JMJD1C: variants seen among roughly 807,000 people sequenced by gnomAD.
JMJD1C encodes the protein jumonji domain containing 1C, also known as jumonji domain-containing protein 1C.
JMJD1C carries 31 observed loss-of-function variants against 245.3 expected under a neutral mutation model. The ratio of observed to expected loss-of-function variants is 0.13; its 90% CI spans 0.09 to 0.17. JMJD1C has a LOEUF of 0.17. Among genes scored for constraint, JMJD1C ranks in the 10% least tolerant of loss-of-function variants. The pLI is 1.00. For missense variants in JMJD1C, 2,691 were observed against 3,000.2 expected, an observed-to-expected ratio of 0.90 and a Z score of 2.41; for synonymous variants, 1,057 against 1,017.4, an observed-to-expected ratio of 1.04 and a Z score of -0.74.
At chr10:63,312,810 A>C (rs1589449266) in intron 2 of JMJD1C, among the ~76,000 whole-genome samples, 1 of 152,194 alleles carries the variant, frequency 6.6e-6, no homozygotes, top group South Asian at 2.1e-4. Context: ...TACCTAATAT[A>C]ATTATAAATG....
intron 2 of JMJD1C, among the ~76,000 whole-genome samples, chr10:63,326,556 AGACAT>A (rs1419966827): frequency 9.2e-5 from 14 of 151,976 alleles, no homozygotes; most frequent in African/African-American, 3.1e-4. Flanking sequence ...AGAGGTGGAC[AGACAT>A]TGGACACTGA....
intron 3 of JMJD1C, among the ~76,000 whole-genome samples, chr10:63,264,104 A>G (rs975399023): frequency 6.6e-6 from 1 of 152,028 alleles, no homozygotes; most frequent in Non-Finnish European, 1.5e-5. Flanking sequence ...GTTTCTTCAC[A>G]TAATTAAAAG....
upstream of JMJD1C, among the ~76,000 whole-genome samples, chr10:63,467,160 A>C (rs915170647): frequency 2.3e-4 from 35 of 152,200 alleles, no homozygotes; most frequent in African/African-American, 7.0e-4. Flanking sequence ...CAAAATTATA[A>C]GGAAGATGGA....
chr10:63,319,919 A>G (rs1209546559), intron 2 of JMJD1C, among the ~76,000 whole-genome samples: 1 of 152,112 alleles, frequency 6.6e-6, no homozygotes, highest in East Asian at 1.9e-4. Flanking sequence ...ACATGCCACC[A>G]CACCCAGCTA....
At chr10:63,351,235 C>T (rs1397994602) in intron 2 of JMJD1C, among the ~76,000 whole-genome samples, 6 of 151,668 alleles carry the variant, frequency 4.0e-5, no homozygotes, top group Admixed American at 6.6e-5. Flanking sequence ...CCTGCCACCA[C>T]GCCCAGCTAA....
chr10:63,205,982 C>A (rs1395125900), intron 10 of JMJD1C, among the ~76,000 whole-genome samples: 5 of 152,088 alleles, frequency 3.3e-5, no homozygotes, highest in Non-Finnish European at 7.4e-5. Flanking sequence ...AGCCACTGTG[C>A]CCAGCTGTGC....
chr10:63,293,025 G>A (rs189015770), intron 2 of JMJD1C, among the ~76,000 whole-genome samples: 2 of 152,136 alleles, frequency 1.3e-5, no homozygotes, highest in Admixed American at 6.6e-5. Context: ...GCCTAGGCGA[G>A]AGTGAGACTT....
intron 2 of JMJD1C, among the ~76,000 whole-genome samples, chr10:63,345,053 G>A (rs901862956): frequency 6.6e-6 from 1 of 152,110 alleles, no homozygotes; most frequent in Non-Finnish European, 1.5e-5. Flanking sequence ...AAATAAAAAT[G>A]TATGTTCACA....
intron 2 of JMJD1C, among the ~76,000 whole-genome samples, chr10:63,329,723 A>G (rs150219050): frequency 6.7e-4 from 102 of 152,302 alleles, no homozygotes; most frequent in African/African-American, 2.0e-3. Context: ...GAATTCTAAT[A>G]TTTTCCCAAG....
rs755942231 is a variant in JMJD1C at position 63,186,321 on chromosome 10, A to C, written c.6633T>G (p.Ile2211Met). The change falls in exon 19 of 26, where the codon ATT becomes ATG. Residue 2211 changes from isoleucine to methionine, a missense_variant. Ile to Met is a conservative substitution (Grantham distance 10). This residue lies in a region of JMJD1C where 232 missense variants were observed against 416.1 expected (regional missense o/e 0.56). Transcript: ENST00000399262. ...CTTGGTGGTCTCCAAAATCAAGACTAATTGATTCCGCCTTCCATAGGCTAA... is the reference window on the plus strand; with the variant it reads ...CTTGGTGGTCTCCAAAATCAAGACTCATTGATTCCGCCTTCCATAGGCTAA... ...MNISLWKAES[I>M]SLDFGDHQAD... 9.3e-6 allele frequency: 15 copies of C among 1,612,674 alleles called. No homozygotes were observed. Among genetic ancestry groups the C allele is most frequent in the Non-Finnish European group, 1.1e-5 (13 of 1,178,842 alleles).
At chr10:63,447,533 A>T (rs187366672) in intron 1 of JMJD1C, among the ~76,000 whole-genome samples, 81 of 152,336 alleles carry the variant, frequency 5.3e-4, no homozygotes, top group African/African-American at 1.9e-3. Flanking sequence ...AAATTTCACT[A>T]AGCTTATATA....
chr10:63,339,525 G>A lies in JMJD1C; in HGVS notation c.333+40793C>T, dbSNP rs573378449. Among the ~76,000 whole-genome samples the A allele has an allele frequency of 5.9e-5, 9 of 152,226 alleles. No individual in the cohort carries two copies. The East Asian group carries it at 1.7e-3, about 29-fold the overall frequency. ...AGGCCAGGTGTGCTGGCTCACGCCT[G>A]TAATACCAGCACTTTCAGAGGCAGG... is the stretch of plus-strand genomic sequence containing the variant. On this transcript the variant is annotated intron_variant, in intron 2 of 25. Transcript: ENST00000399262.
At chr10:63,453,112 CA>C in intron 1 of JMJD1C, among the ~76,000 whole-genome samples, 1 of 152,100 alleles carries the variant, frequency 6.6e-6, no homozygotes, top group South Asian at 2.1e-4. Context: ...CCATCTCTAC[CA>C]AAAGTGCAAA....
At chr10:63,506,077 A>C (rs746319700) in intron 1 of JMJD1C, among the ~76,000 whole-genome samples, 4 of 152,186 alleles carry the variant, frequency 2.6e-5, no homozygotes, top group African/African-American at 9.7e-5. Context: ...TTTCTTTAAT[A>C]ATCAGTGAGA....
chr10:63,437,857 C>T (rs888570166), intron 1 of JMJD1C, among the ~76,000 whole-genome samples: 5 of 152,144 alleles, frequency 3.3e-5, no homozygotes, highest in African/African-American at 4.8e-5. Context: ...CCCTCCTCTT[C>T]GAAACACTTT....
At chr10:63,347,730 T>C (rs1943977929) in intron 2 of JMJD1C, among the ~76,000 whole-genome samples, 1 of 151,758 alleles carries the variant, frequency 6.6e-6, no homozygotes, top group African/African-American at 2.4e-5. Context: ...TTGGCCAACG[T>C]GGTGAAACGC....
Position 63,208,697 on chromosome 10 carries a change from T to G in JMJD1C, c.2972A>C (p.His991Pro). ...TGGATCCACAAAATGCCTATGTAAG[T>G]GACAATCTTTTCCAGTCTGTGACCT... ...LNRSQTGKDC[H>P]LHRHFVDPVL... is the part of the protein sequence containing the mutation. Residue 991 changes from histidine to proline, a missense_variant, in exon 10 of 26, where the codon CAC becomes CCC. Transcript: ENST00000399262. 1 of 1,614,118 alleles carries G rather than the reference T, an allele frequency of 6.2e-7. No individual in the cohort carries two copies. The highest frequency in any genetic ancestry group is 8.5e-7 in the Non-Finnish European group (1 of 1,179,958).
At chr10:63,392,867 A>AACACACACACACACACACAC (rs34778084) in intron 1 of JMJD1C, among the ~76,000 whole-genome samples, 45 of 112,278 alleles carry the variant, frequency 4.0e-4, no homozygotes, top group African/African-American at 4.5e-4. Flanking sequence ...AAAGTACATA[A>AACACACACACACACACACAC]ACACACACAC....
intron 1 of JMJD1C, among the ~76,000 whole-genome samples, chr10:63,501,029 C>T (rs199678647): frequency 0.024 from 1 of 42 alleles, no homozygotes; most frequent in East Asian, 0.5. Flanking sequence ...TTCCCAATTC[C>T]TATGGATGAG....
Sources: gnomAD v4.1 joint callset for allele counts (sites outside exome capture counted in the v4.1 genomes callset) on GRCh38, gnomAD v4.1.1 for gene constraint, gnomAD v4.1.1 regional missense constraint, MANE v1.5 for transcripts, NCBI Gene and HGNC (gene_info 2026-07-23, HGNC 2026-07-21) for gene names.